The following TUBGCP5 variants were observed in gnomAD, a reference collection of about 807,000 sequenced individuals.
The protein encoded by TUBGCP5 is gamma-tubulin complex component 5.
In TUBGCP5, 98 loss-of-function variants were observed where a neutral mutation model predicts 134.7. The observed-to-expected ratio is 0.73, with a 90% CI of 0.62 to 0.86. The LOEUF is 0.86. Among genes scored for constraint, TUBGCP5 ranks in the 40% least tolerant of loss-of-function variants. The pLI is 0.00. For synonymous variants in TUBGCP5, 456 were observed against 431.4 expected, an observed-to-expected ratio of 1.06 and a Z score of -0.71; for missense variants, 1,150 against 1,244.8, an observed-to-expected ratio of 0.92 and a Z score of 1.15.
chr15:23,022,047 CGAGTATCA>C lies in TUBGCP5; in HGVS notation c.1275_1282del (p.Asp426LysfsTer10). 1.2e-6 allele frequency: 2 copies of C among 1,614,110 alleles called. No individual in the cohort carries two copies. The highest frequency in any genetic ancestry group is 1.7e-6 in the Non-Finnish European group (2 of 1,179,996). On this transcript the variant is annotated frameshift_variant, in exon 11 of 23. Coordinates refer to ENST00000615383, the MANE Select transcript of TUBGCP5 (RefSeq NM_052903.6). LOFTEE classifies it high-confidence loss of function. ...CAGGTGAGAGGCCCGGACGACATTT[CGAGTATCA>C]GGTGGAACTTCTGCTACTCCAGTAC...
intron 19 of TUBGCP5, chr15:23,004,525 T>A (rs1048327573): frequency 3.9e-5 from 11 of 283,482 alleles, no homozygotes; most frequent in Non-Finnish European, 7.1e-5. Context: ...TTAAGCTGTA[T>A]ATAAGACACA....
intron 22 of TUBGCP5, chr15:23,000,197 G>T: frequency 9.4e-7 from 1 of 1,064,388 alleles, no homozygotes; most frequent in Non-Finnish European, 1.2e-6. Context: ...ATGAGCCACC[G>T]CGCCAGGCCA....
chr15:22,986,146 A>AAAT (rs1555430359), intron 23 of TUBGCP5, among the ~76,000 whole-genome samples: 2 of 142,238 alleles, frequency 1.4e-5, no homozygotes, highest in Non-Finnish European at 3.1e-5. Flanking sequence ...AAAAAAAAAA[A>AAAT]AAATAATAAT....
chr15:23,031,319 C>CG (rs970166893), intron 5 of TUBGCP5, among the ~76,000 whole-genome samples: 2 of 144,608 alleles, frequency 1.4e-5, no homozygotes, highest in African/African-American at 5.0e-5. Flanking sequence ...CTTTTAACTT[C>CG]TTTTTTTTTT....
Position 23,036,931 on chromosome 15 carries a change from A to C in TUBGCP5, c.275T>G (p.Leu92Arg), listed in dbSNP as rs2066623058. ...CTTTATACTGGGAAGTGGTGCATTT[A>C]GAAATTCCTCCGTTAATCTCTTCCA... is the stretch of plus-strand genomic sequence containing the variant. ...ASWKRLTEEFLNAPLPSIKEI... is the reference protein window; with the variant it reads ...ASWKRLTEEFRNAPLPSIKEI... The change falls in exon 3 of 23, where the codon CTA (leucine) becomes CGA (arginine). Residue 92 changes from leucine (L) to arginine (R), a missense_variant. Physicochemically the swap from Leu to Arg is moderately radical, Grantham distance 102. Transcript: ENST00000615383. The C allele has an allele frequency of 3.1e-6, 5 of 1,612,582 alleles. No homozygotes were observed. Among genetic ancestry groups the C allele is most frequent in the Non-Finnish European group, 4.2e-6 (5 of 1,179,090 alleles).
chr15:23,000,492 C>T, intron 22 of TUBGCP5, 77 bp downstream of exon 22: 1 of 1,558,496 alleles, frequency 6.4e-7, no homozygotes, highest in Non-Finnish European at 8.7e-7. Flanking sequence ...TTCATGGGAT[C>T]AGTAACAAAA....
chr15:23,008,968 T>C, intron 15 of TUBGCP5, 87 bp from the exon 16 acceptor site: 4 of 1,074,476 alleles, frequency 3.7e-6, no homozygotes. Flanking sequence ...GTAACCTGTT[T>C]TTAGTGGAAC....
chr15:22,993,525 G>GTTTTT (rs71414252), intron 23 of TUBGCP5, among the ~76,000 whole-genome samples: 855 of 69,228 alleles, frequency 0.012, 68 homozygotes, highest in Middle Eastern at 0.021. Context: ...AGCCCCCGAA[G>GTTTTT]TTTTTTTTTT....
At position 23,003,128 on chromosome 15, in the gene TUBGCP5, A is replaced by G. The variant is rs764396889; in HGVS notation, c.2864T>C (p.Met955Thr). The change falls in exon 21 of 23, where the codon ATG (methionine) becomes ACG (threonine). Residue 955 changes from methionine (M) to threonine (T), a missense_variant. Around this residue, in one of 2 missense-constraint regions of TUBGCP5, gnomAD observed 697 missense variants for 850.1 expected, o/e 0.82. Transcript: ENST00000615383. ...EKVSFVKEAI[M>T]KVLNLALMFA... ...CATGAGAGCCAAGTTCAACACCTTC[A>G]TGATAGCTTCTTTCACAAAGCTGAC... is the stretch of plus-strand genomic sequence containing the variant. The G allele has an allele frequency of 6.2e-7, 1 of 1,614,212 alleles. No homozygotes were observed. Among genetic ancestry groups the G allele is most frequent in the Admixed American group, 1.7e-5 (1 of 60,026 alleles).
Position 23,006,289 on chromosome 15 carries a change from A to G in TUBGCP5, c.2391T>C (p.Asp797=), listed in dbSNP as rs538647960. Residue 797 remains aspartate (D), a synonymous_variant, in exon 17 of 23, where the codon GAT becomes GAC. Transcript: ENST00000615383. Reference sequence around the variant, plus strand: ...ATACCTTGTAGCTGAGGGTCAGACCATCTAAGATATGAACAGGCAGCTTCT... The same window carrying G: ...ATACCTTGTAGCTGAGGGTCAGACCGTCTAAGATATGAACAGGCAGCTTCT... ...AKKKLPVHIL[D]GLTLSYKVPW... 5.0e-6 allele frequency: 8 copies of G among 1,610,660 alleles called. No individual in the cohort carries two copies. In the African/African-American group the frequency reaches 8.0e-5, roughly 16 times the overall value.
Position 23,005,583 on chromosome 15 carries a change from C to T in TUBGCP5, c.2561G>A (p.Arg854Gln), listed in dbSNP as rs760543502. The T allele has an allele frequency of 1.5e-5, 25 of 1,613,924 alleles. No homozygotes were observed. In the East Asian group the frequency reaches 2.5e-4, roughly 16 times the overall value. ...GELVSTAEKP[R>Q]LKEGLIHEQD... ...TTCATGTATAAGGCCTTCTTTAAGT[C>T]GTGGTTTTTCTGCAGTACTAACCAG... The change falls in exon 19 of 23, where the codon CGA (arginine) becomes CAA (glutamine). Residue 854 changes from arginine (R) to glutamine (Q), a missense_variant. This residue lies in a region of TUBGCP5 where 697 missense variants were observed against 850.1 expected (regional missense o/e 0.82). Coordinates refer to ENST00000615383, the MANE Select transcript of TUBGCP5 (RefSeq NM_052903.6).
intron 21 of TUBGCP5, among the ~76,000 whole-genome samples, chr15:23,001,291 C>T (rs1008860384): frequency 1.3e-5 from 2 of 151,318 alleles, no homozygotes; most frequent in African/African-American, 4.9e-5. Context: ...GATCTGCCCC[C>T]ACTGGCCTCC....
In TUBGCP5 at chr15:22,999,876, G is replaced by A; in HGVS notation, c.3029-10C>T. 6 of 1,613,346 alleles carry A rather than the reference G, an allele frequency of 3.7e-6. No individual in the cohort carries two copies. The highest frequency in any genetic ancestry group is 5.1e-6 in the Non-Finnish European group (6 of 1,179,622). On this transcript the variant is annotated splice_polypyrimidine_tract_variant and intron_variant, in intron 22 of 22. Coordinates refer to ENST00000615383, the MANE Select transcript of TUBGCP5 (RefSeq NM_052903.6). ...AACGCTAGAGATTCCACTGTGGGAAGAATAAAAATAAGGTTAAAACAATAG... is the reference window on the plus strand; with the variant it reads ...AACGCTAGAGATTCCACTGTGGGAAAAATAAAAATAAGGTTAAAACAATAG...
chr15:22,987,946 T>C (rs1401181878), intron 23 of TUBGCP5, among the ~76,000 whole-genome samples: 1 of 142,706 alleles, frequency 7.0e-6, no homozygotes, highest in Non-Finnish European at 1.5e-5. Context: ...AACAGCCTTG[T>C]CCTTTCTGCC....
At chr15:23,020,354 C>A (rs2065601047) in intron 11 of TUBGCP5, among the ~76,000 whole-genome samples, 1 of 151,840 alleles carries the variant, frequency 6.6e-6, no homozygotes, top group African/African-American at 2.4e-5. Context: ...TTGCAGTGAG[C>A]CAAGATCATG....
At chr15:23,022,322 G>GA (rs1246586543) in intron 10 of TUBGCP5, among the ~76,000 whole-genome samples, 161 bp from the exon 11 acceptor site, 1 of 152,078 alleles carries the variant, frequency 6.6e-6, no homozygotes, top group Non-Finnish European at 1.5e-5. Flanking sequence ...CCCTAAGGAA[G>GA]AACTCCTGCA....
intron 23 of TUBGCP5, among the ~76,000 whole-genome samples, chr15:22,991,926 G>T (rs765713943): frequency 2.6e-5 from 4 of 152,144 alleles, no homozygotes; most frequent in Non-Finnish European, 5.9e-5. Context: ...CCACACTGAG[G>T]TTGTACTAGT....
chr15:22,999,814 A>C lies in TUBGCP5; in HGVS notation c.*6T>G. 1 of 1,613,264 alleles carries C rather than the reference A, an allele frequency of 6.2e-7. No individual in the cohort carries two copies. The highest frequency in any genetic ancestry group is 1.1e-5 in the South Asian group (1 of 91,078). ...AAGTCGGAGATATTTATTACGCTGAAGACATTTAACTTTGTTCCATGCCAG... is the reference window on the plus strand; with the variant it reads ...AAGTCGGAGATATTTATTACGCTGACGACATTTAACTTTGTTCCATGCCAG... On this transcript the variant is annotated 3_prime_UTR_variant, in exon 23 of 23. Coordinates refer to ENST00000615383, the MANE Select transcript of TUBGCP5 (RefSeq NM_052903.6).
At position 23,010,149 on chromosome 15, in the gene TUBGCP5, G is replaced by T; in HGVS notation, c.1956-16C>A. Reference sequence around the variant, plus strand: ...CAAATACATCCTTCAAGATAAAAATGTGAGTCTTCTTTTTATGAGCTGCTG... The same window carrying T: ...CAAATACATCCTTCAAGATAAAAATTTGAGTCTTCTTTTTATGAGCTGCTG... On this transcript the variant is annotated splice_polypyrimidine_tract_variant and intron_variant, in intron 14 of 22. Coordinates refer to ENST00000615383, the MANE Select transcript of TUBGCP5 (RefSeq NM_052903.6). 1.2e-6 allele frequency: 2 copies of T among 1,603,776 alleles called. No homozygotes were observed. Among genetic ancestry groups the T allele is most frequent in the East Asian group, 2.2e-5 (1 of 44,676 alleles).
Sources: allele counts gnomAD v4.1 joint callset (sites outside exome capture counted in the v4.1 genomes callset), GRCh38; gene constraint gnomAD v4.1.1; regional missense constraint gnomAD v4.1.1; transcripts MANE v1.5; gene names NCBI Gene and HGNC (gene_info 2026-07-23, HGNC 2026-07-21).